Variants in PIP5K1A observed in about 807,000 individuals in gnomAD.
The protein encoded by PIP5K1A is phosphatidylinositol-4-phosphate 5-kinase type 1 alpha.
Under a neutral mutation model 72.9 loss-of-function variants are expected in PIP5K1A, and 46 were observed. The observed-to-expected ratio is 0.63, with a 90% CI of 0.50 to 0.81. PIP5K1A has a LOEUF of 0.81. Among genes scored for constraint, PIP5K1A ranks in the 30% least tolerant of loss-of-function variants. The pLI, the probability that PIP5K1A is intolerant of heterozygous loss-of-function variation, is 0.00. For synonymous variants in PIP5K1A, 228 were observed against 255.1 expected, an observed-to-expected ratio of 0.89 and a Z score of 1.01; for missense variants, 458 against 706.1, an observed-to-expected ratio of 0.65 and a Z score of 3.98.
chr1:151,210,490 CG>C (rs1443555211), intron 1 of PIP5K1A, among the ~76,000 whole-genome samples: 2 of 151,824 alleles, frequency 1.3e-5, no homozygotes, highest in South Asian at 4.2e-4. Flanking sequence ...CTTGGTGTGG[CG>C]CTCCATCTTT....
chr1:151,234,419 C>A lies in PIP5K1A; in HGVS notation c.862C>A (p.Gln288Lys), dbSNP rs770993079. 5.0e-6 allele frequency: 8 copies of A among 1,613,658 alleles called. No individual in the cohort carries two copies. The highest frequency in any genetic ancestry group is 6.8e-6 in the Non-Finnish European group (8 of 1,179,640). Residue 288 changes from glutamine (Q) to lysine (K), a missense_variant, in exon 8 of 16, where the codon CAA (glutamine) becomes AAA (lysine). Physicochemically the swap from Gln to Lys is moderately conservative, Grantham distance 53. Coordinates refer to ENST00000368888, the MANE Select transcript of PIP5K1A (RefSeq NM_001135638.2). ...CACATTTAAAGACCTAGACTTCTTA[C>A]AAGACATCCCTGATGGTCTTTTTTT... is the stretch of plus-strand genomic sequence containing the variant. ...LPTFKDLDFLQDIPDGLFLDA... is the reference protein window; with the variant it reads ...LPTFKDLDFLKDIPDGLFLDA...
upstream of PIP5K1A, among the ~76,000 whole-genome samples, chr1:151,196,160 G>GT (rs1684550241): frequency 6.6e-6 from 1 of 152,068 alleles, no homozygotes; most frequent in Non-Finnish European, 1.5e-5. Flanking sequence ...GCCTCCCAAA[G>GT]TGCTGGGATT....
chr1:151,236,184 C>T (rs1354360589), intron 8 of PIP5K1A, among the ~76,000 whole-genome samples: 3 of 146,854 alleles, frequency 2.0e-5, no homozygotes, highest in Admixed American at 2.0e-4. Flanking sequence ...ATAATTACAT[C>T]ATGAAAGCTG....
intron 1 of PIP5K1A, among the ~76,000 whole-genome samples, chr1:151,200,307 G>T (rs968361864): frequency 1.3e-5 from 2 of 151,766 alleles, no homozygotes; most frequent in African/African-American, 2.4e-5. Flanking sequence ...TTAATGTAGA[G>T]AGCTCAGCGT....
intron 14 of PIP5K1A, among the ~76,000 whole-genome samples, chr1:151,242,797 C>A (rs587617099): frequency 6.6e-6 from 1 of 152,280 alleles, no homozygotes; most frequent in South Asian, 2.1e-4. Context: ...GGGCTGGGGT[C>A]TCATCTGAAG....
upstream of PIP5K1A, among the ~76,000 whole-genome samples, chr1:151,196,860 C>CTTT (rs34245382): frequency 1.1e-5 from 1 of 95,232 alleles, no homozygotes; most frequent in African/African-American, 4.2e-5. Flanking sequence ...TGCGCCCGGC[C>CTTT]TTTTTTTTTT....
intron 1 of PIP5K1A, among the ~76,000 whole-genome samples, chr1:151,201,623 T>C (rs1685226223): frequency 6.6e-6 from 1 of 152,090 alleles, no homozygotes; most frequent in South Asian, 2.1e-4. Context: ...CCAAAAATGC[T>C]GGGATTACAG....
chr1:151,233,016 C>T (rs1047673662), intron 7 of PIP5K1A, among the ~76,000 whole-genome samples: 4 of 147,610 alleles, frequency 2.7e-5, no homozygotes, highest in Admixed American at 7.0e-5. Flanking sequence ...AGGAGAATGG[C>T]GTGAATCTGG....
At chr1:151,229,308 C>T (rs1689676674) in intron 4 of PIP5K1A, among the ~76,000 whole-genome samples, 3 of 151,702 alleles carry the variant, frequency 2.0e-5, no homozygotes. Flanking sequence ...CTACCTCAGC[C>T]TCCAAAGTAA....
At chr1:151,210,260 A>G (rs150539889) in intron 1 of PIP5K1A, among the ~76,000 whole-genome samples, 18 of 145,804 alleles carry the variant, frequency 1.2e-4, no homozygotes, top group African/African-American at 3.3e-4. Context: ...CAATGGCATG[A>G]TGATAGCTCA....
chr1:151,204,207 G>A (rs778444963), intron 1 of PIP5K1A, among the ~76,000 whole-genome samples: 3 of 151,924 alleles, frequency 2.0e-5, no homozygotes, highest in African/African-American at 7.3e-5. Flanking sequence ...ATGGAGTTTC[G>A]CTCTTGTTGC....
At position 151,198,877 on chromosome 1, in the gene PIP5K1A, C is replaced by A; in HGVS notation, c.-120C>A. 2 of 940,594 alleles carry A rather than the reference C, an allele frequency of 2.1e-6. No homozygotes were observed. Among genetic ancestry groups the A allele is most frequent in the Non-Finnish European group, 3.3e-6 (2 of 598,056 alleles). The allele number at this position is 940,594 out of a possible 1,614,324, so 58.3% of individuals were successfully genotyped here. ...TGTCTGAGGGAGGCCCCGGAGGGGG[C>A]GGGGAGGTGGCCCACAGAACGCGGG... On this transcript the variant is annotated 5_prime_UTR_variant, in exon 1 of 16. Coordinates refer to ENST00000368888, the MANE Select transcript of PIP5K1A (RefSeq NM_001135638.2).
chr1:151,209,550 C>T (rs1342354314), intron 1 of PIP5K1A, among the ~76,000 whole-genome samples: 2 of 151,942 alleles, frequency 1.3e-5, no homozygotes, highest in African/African-American at 4.8e-5. Flanking sequence ...AGCAATTCTC[C>T]TGTCTCAGCC....
intron 4 of PIP5K1A, among the ~76,000 whole-genome samples, chr1:151,229,343 A>G (rs1368967922): frequency 6.8e-6 from 1 of 148,060 alleles, no homozygotes; most frequent in Non-Finnish European, 1.5e-5. Flanking sequence ...CTCAGCCACC[A>G]CACCTGGCTT....
chr1:151,230,119 T>G (rs1197037871), intron 4 of PIP5K1A, among the ~76,000 whole-genome samples: 1 of 152,080 alleles, frequency 6.6e-6, no homozygotes, highest in African/African-American at 2.4e-5. Context: ...TAGTTGTAAT[T>G]TATTGCCCAT....
chr1:151,224,868 C>T (rs980052866), intron 3 of PIP5K1A, among the ~76,000 whole-genome samples: 7 of 152,162 alleles, frequency 4.6e-5, no homozygotes, highest in African/African-American at 1.7e-4. Context: ...CTTCTCACTT[C>T]TTGCCTCTCC....
intron 12 of PIP5K1A, among the ~76,000 whole-genome samples, chr1:151,241,030 G>A (rs1044848243): frequency 3.9e-5 from 6 of 152,090 alleles, no homozygotes; most frequent in African/African-American, 1.4e-4. Flanking sequence ...CCGGGTGGTG[G>A]TGAGCACCTG....
At position 151,239,991 on chromosome 1, in the gene PIP5K1A, G is replaced by C. The variant is rs764210000; in HGVS notation, c.1315G>C (p.Glu439Gln). ...VSVHRPGFYA[E>Q]RFQRFMCNTV... is the part of the protein sequence containing the mutation. ...AGTGCATCGCCCAGGCTTCTACGCT[G>C]AACGGTTCCAGCGCTTCATGTGCAA... The change falls in exon 12 of 16, where the codon GAA becomes CAA. Residue 439 changes from glutamate to glutamine, a missense_variant. Glu to Gln is a conservative substitution (Grantham distance 29, BLOSUM62 2). This residue lies in a region of PIP5K1A where 157 missense variants were observed against 175.5 expected (regional missense o/e 0.89). Coordinates refer to ENST00000368888, the MANE Select transcript of PIP5K1A (RefSeq NM_001135638.2). 6.2e-7 allele frequency: 1 copy of C among 1,613,166 alleles called. No individual in the cohort carries two copies. The highest frequency in any genetic ancestry group is 1.1e-5 in the South Asian group (1 of 91,010).
At chr1:151,217,050 C>CCT (rs1257845898) in intron 1 of PIP5K1A, among the ~76,000 whole-genome samples, 1 of 151,980 alleles carries the variant, frequency 6.6e-6, no homozygotes, top group Non-Finnish European at 1.5e-5. Context: ...GTAGCTGTGA[C>CCT]TACAGGTGCG....
Sources: allele counts gnomAD v4.1 joint callset (sites outside exome capture counted in the v4.1 genomes callset), GRCh38; gene constraint gnomAD v4.1.1; regional missense constraint gnomAD v4.1.1; transcripts MANE v1.5; gene names NCBI Gene and HGNC (gene_info 2026-07-23, HGNC 2026-07-21).